GATA4: variants seen among roughly 807,000 people sequenced by gnomAD.
The protein encoded by GATA4 is transcription factor GATA-4.
In GATA4, 7 loss-of-function variants were observed where a neutral mutation model predicts 37.9. That is an observed-to-expected ratio of 0.18 (90% confidence interval 0.11 to 0.35). The LOEUF is 0.35. Among genes scored for constraint, GATA4 ranks in the 10% least tolerant of loss-of-function variants. The probability of loss-of-function intolerance (pLI) is 1.00; values close to 1 mark genes in which losing one functional copy is unlikely to be tolerated. For missense variants in GATA4, 647 were observed against 653.0 expected (o/e 0.99, Z 0.10); for synonymous variants, 372 against 292.6 (o/e 1.27, Z -2.77).
rs1225231434 is a variant in GATA4 at position 11,697,925 on chromosome 8, G to C, written c.-728-2583G>C. 3.0e-6 allele frequency: 3 copies of C among 985,478 alleles called. No homozygotes were observed. The African/African-American group carries it at 5.2e-5, about 17-fold the overall frequency. The allele number at this position is 985,478 out of a possible 1,614,324, so 61.0% of individuals were successfully genotyped here. ...TCTCTGGGGGACCCACCAGTCCCCT[G>C]ATGTGCGCGTTGAGGTCTTGGGCCT... On this transcript the variant is annotated intron_variant, in intron 1 of 2. Coordinates refer to the GATA4 transcript ENST00000526974.
intron 2 of GATA4, among the ~76,000 whole-genome samples, chr8:11,740,780 C>G (rs1467848816): frequency 6.6e-6 from 1 of 151,694 alleles, no homozygotes; most frequent in African/African-American, 2.4e-5. Flanking sequence ...GTCGCCCAGA[C>G]TGTAGTACAG....
intron 2 of GATA4, 114 bp from the exon 3 acceptor site, chr8:11,748,802 C>A: frequency 8.0e-7 from 1 of 1,251,276 alleles, no homozygotes; most frequent in South Asian, 1.2e-5. Context: ...GTGGTCTTCT[C>A]TTTCCAAGGA....
chr8:11,677,670 A>G (rs1435011132), intron 1 of GATA4, among the ~76,000 whole-genome samples: 1 of 152,186 alleles, frequency 6.6e-6, no homozygotes, highest in East Asian at 1.9e-4. Context: ...GCTTGGCTTC[A>G]TTAGTTAGTA....
At chr8:11,747,706 A>G (rs968694777) in intron 2 of GATA4, among the ~76,000 whole-genome samples, 18 of 152,230 alleles carry the variant, frequency 1.2e-4, no homozygotes, top group Non-Finnish European at 1.2e-4. Context: ...CACAGACTTA[A>G]GTAAGGAGCA....
At chr8:11,723,463 T>C (rs1294594953) in intron 2 of GATA4, among the ~76,000 whole-genome samples, 1 of 152,242 alleles carries the variant, frequency 6.6e-6, no homozygotes, top group African/African-American at 2.4e-5. Flanking sequence ...AACTGAGCTC[T>C]TTTGACAAAA....
rs989349109 is a variant in GATA4, at chr8:11,708,226, C to T, written c.-87C>T. ...CGACAGTTCCTCCCACGCATATTAT[C>T]GTTGTTGCCGTCGTTTTCTCTCCCC... On this transcript the variant is annotated 5_prime_UTR_variant, in exon 2 of 7. Transcript: ENST00000532059. This position sits in a 1 kb window ranked among gnomAD's most constrained non-coding sequence, Gnocchi z 6.7. 7.0e-7 allele frequency: 1 copy of T among 1,431,864 alleles called. No individual in the cohort carries two copies. The highest frequency in any genetic ancestry group is 9.5e-7 in the Non-Finnish European group (1 of 1,053,250). The allele number at this position is 1,431,864 out of a possible 1,614,324, so 88.7% of individuals were successfully genotyped here.
upstream of GATA4, among the ~76,000 whole-genome samples, chr8:11,701,825 C>A (rs971406971): frequency 8.7e-6 from 1 of 114,702 alleles, no homozygotes; most frequent in Non-Finnish European, 1.7e-5. Context: ...GGAGTGCCAG[C>A]GGAAGGTGTG....
chr8:11,748,891 T>G, intron 2 of GATA4, 25 bp from the exon 3 acceptor site: 1 of 1,613,914 alleles, frequency 6.2e-7, no homozygotes, highest in Non-Finnish European at 8.5e-7. Flanking sequence ...TCTGTGTCTT[T>G]TCTTGTCTGT....
chr8:11,736,535 T>G (rs1801465981), intron 2 of GATA4, among the ~76,000 whole-genome samples: 1 of 152,228 alleles, frequency 6.6e-6, no homozygotes, highest in African/African-American at 2.4e-5. Flanking sequence ...GAGCAGCGCT[T>G]GGCAGGAACT....
At chr8:11,697,922 C>A in intron 1 of GATA4, 1 of 985,500 alleles carries the variant, frequency 1.0e-6, no homozygotes, top group Non-Finnish European at 1.2e-6. Context: ...CCACCAGTCC[C>A]CTGATGTGCG....
chr8:11,758,432 G>C lies in GATA4; in HGVS notation c.1289G>C (p.Ser430Thr). The C allele has an allele frequency of 6.2e-7, 1 of 1,614,218 alleles. No homozygotes were observed. Among genetic ancestry groups the C allele is most frequent in the Non-Finnish European group, 8.5e-7 (1 of 1,180,040 alleles). The change falls in exon 7 of 7, where the codon AGC becomes ACC. Residue 430 changes from serine (S) to threonine (T), a missense_variant. Physicochemically the swap from Ser to Thr is moderately conservative, Grantham distance 58 (BLOSUM62 1). This residue lies in a region of GATA4 where 184 missense variants were observed against 157.1 expected (regional missense o/e 1.17). Transcript: ENST00000532059. ...QTSSKQDSWNSLVLADSHGDI... is the reference protein window; with the variant it reads ...QTSSKQDSWNTLVLADSHGDI... ...AGCTCCAAGCAGGACTCTTGGAACA[G>C]CCTGGTCTTGGCCGACAGTCACGGG...
At chr8:11,681,192 T>G in intron 1 of GATA4, 1 of 985,318 alleles carries the variant, frequency 1.0e-6, no homozygotes, top group Non-Finnish European at 1.2e-6. Context: ...TCACAGGCCC[T>G]GGCCCGCGCG....
At chr8:11,756,679 T>A in intron 5 of GATA4, 1 of 561,460 alleles carries the variant, frequency 1.8e-6, no homozygotes. Context: ...AATCTTCAAG[T>A]TGAATGAGGA....
chr8:11,717,383 T>A (rs1800482299), intron 2 of GATA4, among the ~76,000 whole-genome samples: 2 of 152,204 alleles, frequency 1.3e-5, no homozygotes, highest in Non-Finnish European at 1.5e-5. Context: ...TCCCTGTCAA[T>A]GAAGAAATCA....
At position 11,708,683 on chromosome 8, in the gene GATA4, C is replaced by A; in HGVS notation, c.371C>A (p.Ala124Asp). The A allele has an allele frequency of 7.8e-7, 1 of 1,280,466 alleles. No homozygotes were observed. Among genetic ancestry groups the A allele is most frequent in the South Asian group, 2.7e-5 (1 of 37,496 alleles). The allele number at this position is 1,280,466 out of a possible 1,614,324, so 79.3% of individuals were successfully genotyped here. Residue 124 changes from alanine to aspartate, a missense_variant, in exon 2 of 7, where the codon GCC becomes GAC. Physicochemically the swap from Ala to Asp is moderately radical, Grantham distance 126 (BLOSUM62 -2). Around this residue, in one of 5 missense-constraint regions of GATA4, gnomAD observed 379 missense variants for 334.5 expected, o/e 1.13. Transcript: ENST00000532059. This position sits in a 1 kb window ranked among gnomAD's most constrained non-coding sequence, Gnocchi z 6.7. ...TCCCTGGCGGCCGCCGCCGCCGCTG[C>A]CGCGGCCCGGGAAGCTGCGGCCTAC... ...TGSLAAAAAA[A>D]AAREAAAYSS...
At chr8:11,711,761 A>C (rs1280812929) in intron 2 of GATA4, among the ~76,000 whole-genome samples, 3 of 151,794 alleles carry the variant, frequency 2.0e-5, no homozygotes, top group Admixed American at 6.6e-5. Context: ...AAAAAAAAAA[A>C]AAAAAAAAAA....
chr8:11,734,521 T>A (rs1801358043), intron 2 of GATA4, among the ~76,000 whole-genome samples: 1 of 152,200 alleles, frequency 6.6e-6, no homozygotes, highest in African/African-American at 2.4e-5. Flanking sequence ...AGTTTTGCTC[T>A]TGTTGCCCAG....
At chr8:11,681,573 C>A in intron 1 of GATA4, 1 of 554,764 alleles carries the variant, frequency 1.8e-6, no homozygotes, top group Non-Finnish European at 2.3e-6. Flanking sequence ...TAATTTCTCC[C>A]TCCTCCACCC....
intron 2 of GATA4, among the ~76,000 whole-genome samples, chr8:11,731,394 A>G (rs1385124061): frequency 6.6e-6 from 1 of 152,238 alleles, no homozygotes; most frequent in African/African-American, 2.4e-5. Context: ...GTGGAGTATT[A>G]CTCAGCCTTA....
Sources: allele counts gnomAD v4.1 joint callset (sites outside exome capture counted in the v4.1 genomes callset), GRCh38; gene constraint gnomAD v4.1.1; regional missense constraint gnomAD v4.1.1; non-coding constraint Gnocchi (gnomAD v3.1); transcripts MANE v1.5; gene names NCBI Gene and HGNC (gene_info 2026-07-23, HGNC 2026-07-21).